TTC39C: variants seen among roughly 807,000 people sequenced by gnomAD.
The protein encoded by TTC39C is tetratricopeptide repeat protein 39C.
TTC39C carries 33 observed loss-of-function variants against 76.3 expected under a neutral mutation model. That is an observed-to-expected ratio of 0.43 (90% confidence interval 0.33 to 0.58). The LOEUF is 0.58. TTC39C is among the 20% of genes least tolerant of loss of function. TTC39C has a pLI of 0.04. For synonymous variants in TTC39C, 254 were observed against 260.6 expected (o/e 0.97, Z 0.24); for missense variants, 595 against 701.4 (o/e 0.85, Z 1.71).
rs1208498796 is a variant in TTC39C at position 24,044,046 on chromosome 18, GTA to G, written c.168-20092_168-20091del. 3.8e-5 allele frequency among the ~76,000 whole-genome samples: 4 copies of G among 105,998 alleles called. No individual in the cohort carries two copies. In the East Asian group the frequency reaches 1.3e-3, roughly 33 times the overall value. The allele number at this position is 105,998 out of a possible 152,430, so 69.5% of individuals were successfully genotyped here. Reference sequence around the variant, plus strand: ...GGCAGTTGGCTGAAAGAGCATTTGTGTATGTTTGTGTGTGTGTGTGTGTGTGT... The same window carrying G: ...GGCAGTTGGCTGAAAGAGCATTTGTGTGTTTGTGTGTGTGTGTGTGTGTGT... On this transcript the variant is annotated intron_variant, in intron 1 of 13. Coordinates refer to ENST00000317571, the MANE Select transcript of TTC39C (RefSeq NM_001135993.2).
At chr18:24,035,836 C>A (rs1307824549) in intron 1 of TTC39C, among the ~76,000 whole-genome samples, 1 of 152,174 alleles carries the variant, frequency 6.6e-6, no homozygotes, top group Non-Finnish European at 1.5e-5. Context: ...TTTGGTATCA[C>A]ATCCAAGAAA....
At chr18:24,034,315 G>T (rs957396924) in intron 1 of TTC39C, among the ~76,000 whole-genome samples, 1 of 152,182 alleles carries the variant, frequency 6.6e-6, no homozygotes, top group African/African-American at 2.4e-5. Context: ...GGCACGCCCT[G>T]CTCAAAATCC....
rs1167811744 is a variant in TTC39C, at chr18:24,014,931, A to G, written c.60A>G (p.Ala20=). 2.0e-6 allele frequency: 3 copies of G among 1,523,538 alleles called. No individual in the cohort carries two copies. The highest frequency in any genetic ancestry group is 2.1e-5 in the Admixed American group (1 of 47,864). The allele number at this position is 1,523,538 out of a possible 1,614,324, so 94.4% of individuals were successfully genotyped here. A position where few individuals can be genotyped will look rare whatever the true frequency, so the allele number is the denominator to read the frequency against. ...GGGACGACGGAGACTCGGACGCGGC[A>G]GCGGCGGCGGCGGCGCCCCTGCAGG... ...RRRDDGDSDA[A]AAAAAPLQDA... The change falls in exon 1 of 14, where the codon GCA becomes GCG. Residue 20 remains alanine, a synonymous_variant. Coordinates refer to ENST00000317571, the MANE Select transcript of TTC39C (RefSeq NM_001135993.2).
chr18:24,107,286 AAC>A (rs10609672), intron 6 of TTC39C, among the ~76,000 whole-genome samples: 96,405 of 150,418 alleles, frequency 0.64, 30,692 homozygotes, highest in East Asian at 0.82. Context: ...ATCCTTCTCT[AAC>A]ACACACACAC....
chr18:24,090,801 T>TA (rs1440482219), intron 6 of TTC39C, among the ~76,000 whole-genome samples: 9 of 119,410 alleles, frequency 7.5e-5, no homozygotes, highest in Non-Finnish European at 1.4e-4. Flanking sequence ...AATTTACTTT[T>TA]TTTTTTTTTT....
intron 4 of TTC39C, among the ~76,000 whole-genome samples, chr18:24,079,302 A>G (rs955382966): frequency 2.0e-5 from 3 of 152,106 alleles, no homozygotes; most frequent in Non-Finnish European, 2.9e-5. Context: ...AGCCCTTCCT[A>G]CTCATCTGAA....
intron 1 of TTC39C, chr18:24,020,439 C>G: frequency 2.4e-6 from 1 of 422,704 alleles, no homozygotes; most frequent in South Asian, 9.9e-5. Flanking sequence ...ATACACAATG[C>G]GAAAGATGTG....
At chr18:24,045,911 A>ATT (rs1269372155) in intron 1 of TTC39C, among the ~76,000 whole-genome samples, 4 of 25,698 alleles carry the variant, frequency 1.6e-4, no homozygotes, top group African/African-American at 6.8e-4. Flanking sequence ...ATATATATAT[A>ATT]TATATATATA....
At chr18:24,122,214 G>A (rs1011302813) in intron 8 of TTC39C, among the ~76,000 whole-genome samples, 1 of 152,014 alleles carries the variant, frequency 6.6e-6, no homozygotes, top group African/African-American at 2.4e-5. Flanking sequence ...TTTTAGGGGT[G>A]CTCAGGTAAC....
At chr18:24,006,027 TTTTGAGACAGGGTC>T (rs2083349327) in intron 1 of TTC39C, among the ~76,000 whole-genome samples, 1 of 152,090 alleles carries the variant, frequency 6.6e-6, no homozygotes, top group Non-Finnish European at 1.5e-5. Context: ...TTTTTTTTTT[TTTTGAGACAGGGTC>T]TTGCTCTGTC....
chr18:24,024,004 A>ATTTTTTTT (rs2083563205), intron 1 of TTC39C, among the ~76,000 whole-genome samples: 1 of 4,864 alleles, frequency 2.1e-4, no homozygotes, highest in Non-Finnish European at 4.1e-4. Context: ...ATATATATAT[A>ATTTTTTTT]TATATATATA....
chr18:24,124,528 G>A lies in TTC39C; in HGVS notation c.1296+585G>A, dbSNP rs118090606. On this transcript the variant is annotated intron_variant, in intron 9 of 13. Coordinates refer to ENST00000317571, the MANE Select transcript of TTC39C (RefSeq NM_001135993.2). ...GTTGCCAGCAGAAAGGCCCAAGACT[G>A]TAGAGACAGTATTCCTATGTATTCT... Among the ~76,000 whole-genome samples, 548 of 152,334 alleles carry A rather than the reference G, an allele frequency of 3.6e-3. 2 individuals carry two copies. The highest frequency in any genetic ancestry group is 0.011 in the African/African-American group (437 of 41,582).
chr18:24,116,821 T>G (rs978911994), intron 7 of TTC39C, among the ~76,000 whole-genome samples: 2 of 109,066 alleles, frequency 1.8e-5, no homozygotes, highest in African/African-American at 1.3e-4. Flanking sequence ...ATACCTTAGT[T>G]TTTTTTTTTT....
intron 1 of TTC39C, among the ~76,000 whole-genome samples, chr18:24,062,321 C>T (rs1205306871): frequency 2.0e-5 from 3 of 152,334 alleles, no homozygotes; most frequent in Non-Finnish European, 2.9e-5. Flanking sequence ...AGCTGCAGTA[C>T]TCAGCACTTG....
intron 6 of TTC39C, among the ~76,000 whole-genome samples, chr18:24,102,006 G>C (rs533204676): frequency 1.3e-5 from 2 of 152,294 alleles, no homozygotes; most frequent in South Asian, 4.1e-4. Flanking sequence ...TACTGGCCCA[G>C]CCCAGCTTTC....
At chr18:24,043,008 G>A (rs959264227) in intron 1 of TTC39C, among the ~76,000 whole-genome samples, 5 of 152,090 alleles carry the variant, frequency 3.3e-5, no homozygotes, top group Non-Finnish European at 2.9e-5. Flanking sequence ...TAAAATCAAT[G>A]AAACTATGTG....
chr18:24,020,499 G>A lies in TTC39C; in HGVS notation c.167+5461G>A, dbSNP rs373441996. 7.2e-5 allele frequency among the ~76,000 whole-genome samples: 11 copies of A among 152,178 alleles called. No individual in the cohort carries two copies. In the East Asian group the frequency reaches 1.2e-3, roughly 16 times the overall value. ...AAGTCACATATGTAGTTATCCCTCA[G>A]TATTCATGGGGGATTGGTTCCAGGA... On this transcript the variant is annotated intron_variant, in intron 1 of 13. Coordinates refer to ENST00000317571, the MANE Select transcript of TTC39C (RefSeq NM_001135993.2).
intron 10 of TTC39C, among the ~76,000 whole-genome samples, chr18:24,126,082 G>T (rs959009452): frequency 2.6e-5 from 4 of 152,186 alleles, no homozygotes; most frequent in Non-Finnish European, 5.9e-5. Context: ...AGCTACTTGG[G>T]AGACTGAGGT....
chr18:24,031,434 G>A (rs1249534518), intron 1 of TTC39C, among the ~76,000 whole-genome samples: 1 of 152,190 alleles, frequency 6.6e-6, no homozygotes, highest in Non-Finnish European at 1.5e-5. Flanking sequence ...AAGATTGCAG[G>A]TCAGTTTTCT....
Sources: gnomAD v4.1 joint callset for allele counts (sites outside exome capture counted in the v4.1 genomes callset) on GRCh38, gnomAD v4.1.1 for gene constraint, MANE v1.5 for transcripts, NCBI Gene and HGNC (gene_info 2026-07-23, HGNC 2026-07-21) for gene names.